The following NAALADL2 variants were observed in gnomAD, a reference collection of about 807,000 sequenced individuals.
NAALADL2 encodes the protein inactive N-acetylated-alpha-linked acidic dipeptidase-like protein 2.
In NAALADL2, 76 loss-of-function variants were observed where a neutral mutation model predicts 87.2. That is an observed-to-expected ratio of 0.87 (90% CI 0.72 to 1.05). NAALADL2 has a LOEUF of 1.05. NAALADL2 is among the 50% of genes least tolerant of loss of function. The pLI is 0.00. For synonymous variants in NAALADL2, 354 were observed against 331.0 expected (o/e 1.07, Z -0.75); for missense variants, 1,089 against 945.8 (o/e 1.15, Z -1.99).
chr3:174,893,315 C>CT (rs1051951268), intron 1 of NAALADL2, among the ~76,000 whole-genome samples: 5 of 142,862 alleles, frequency 3.5e-5, no homozygotes, highest in Non-Finnish European at 6.1e-5. Context: ...CTTCAACCCC[C>CT]CCCCGCAAAA....
chr3:175,629,497 G>T (rs2149722324), intron 11 of NAALADL2, among the ~76,000 whole-genome samples: 1 of 151,506 alleles, frequency 6.6e-6, no homozygotes, highest in African/African-American at 2.4e-5. Context: ...TTAGGGCAAT[G>T]AAATAGTAAT....
chr3:175,442,245 A>C (rs1719902745), intron 5 of NAALADL2, among the ~76,000 whole-genome samples: 1 of 152,002 alleles, frequency 6.6e-6, no homozygotes, highest in South Asian at 2.1e-4. Flanking sequence ...ACGCCTGGCC[A>C]ACACTGACTT....
At chr3:175,011,770 T>G (rs942991657) in intron 1 of NAALADL2, among the ~76,000 whole-genome samples, 2 of 152,196 alleles carry the variant, frequency 1.3e-5, no homozygotes, top group African/African-American at 4.8e-5. Context: ...TCAAGCCATT[T>G]TGAGTGTATT....
Position 175,737,462 on chromosome 3 carries a change from A to G in NAALADL2, c.1990+63A>G, listed in dbSNP as rs141749436. The G allele has an allele frequency of 2.7e-4, 268 of 982,148 alleles. 2 individuals are homozygous for G. The East Asian group carries it at 6.4e-3, about 23-fold the overall frequency. The allele number at this position is 982,148 out of a possible 1,614,324, so 60.8% of individuals were successfully genotyped here. A position where few individuals can be genotyped will look rare whatever the true frequency, so the allele number is the denominator to read the frequency against. ...AAAATTGTTCAACTAATTTTCAACAAGGAATGGATGAAGTCATCAATGATC... is the reference window on the plus strand; with the variant it reads ...AAAATTGTTCAACTAATTTTCAACAGGGAATGGATGAAGTCATCAATGATC... On this transcript the variant is annotated intron_variant, in intron 12 of 13. Coordinates refer to ENST00000454872, the MANE Select transcript of NAALADL2 (RefSeq NM_207015.3).
chr3:175,199,186 CTT>C (rs1739442271), intron 2 of NAALADL2, among the ~76,000 whole-genome samples: 1 of 152,104 alleles, frequency 6.6e-6, no homozygotes, highest in Non-Finnish European at 1.5e-5. Flanking sequence ...TCCAAGGCCT[CTT>C]TTGAATGACA....
rs143033763 is a variant in NAALADL2, at chr3:174,594,419, C to T, written c.-115+43782C>T. Among the ~76,000 whole-genome samples the T allele has an allele frequency of 6.4e-3, 980 of 152,228 alleles. 4 individuals carry two copies. The highest frequency in any genetic ancestry group is 9.5e-3 in the South Asian group (46 of 4,824). ...TTGGGAAGATTTGCAAGGCCTGATACCTCTAATCAAAGAATAATGCTTAGA... is the reference window on the plus strand; with the variant it reads ...TTGGGAAGATTTGCAAGGCCTGATATCTCTAATCAAAGAATAATGCTTAGA... On this transcript the variant is annotated intron_variant, in intron 2 of 3. Coordinates refer to the NAALADL2 transcript ENST00000434257.
intron 1 of NAALADL2, among the ~76,000 whole-genome samples, chr3:174,443,444 C>A (rs1465387126): frequency 1.3e-5 from 2 of 152,080 alleles, no homozygotes; most frequent in Non-Finnish European, 2.9e-5. Flanking sequence ...TTTCTGTTAA[C>A]TGAGATTGGA....
intron 2 of NAALADL2, among the ~76,000 whole-genome samples, chr3:174,712,751 C>T (rs1225386960): frequency 2.6e-5 from 4 of 152,120 alleles, no homozygotes; most frequent in African/African-American, 9.6e-5. Context: ...GATTTTAGAA[C>T]AATGACACTT....
intron 9 of NAALADL2, among the ~76,000 whole-genome samples, chr3:175,490,768 G>C (rs1339927742): frequency 2.6e-5 from 4 of 151,958 alleles, no homozygotes; most frequent in Non-Finnish European, 5.9e-5. Context: ...ATGTGGGAGT[G>C]GATGAATTGG....
rs1447185307 is a variant in NAALADL2, at chr3:175,807,477, C to G, written c.*4274C>G. 6 of 151,838 alleles carry G rather than the reference C, an allele frequency of 4.0e-5. No individual in the cohort carries two copies. The highest frequency in any genetic ancestry group is 5.9e-5 in the Non-Finnish European group (4 of 67,874). 9.4% of individuals were successfully genotyped at this position (151,838 alleles called of 1,614,324 possible). The stretch of plus-strand genomic sequence containing the variant: ...ATTCTGTGATATGTGTAATTGATTA[C>G]TCCAAAAATTAAGCTTTCTCTGAGG... On this transcript the variant is annotated 3_prime_UTR_variant, in exon 14 of 14. Coordinates refer to ENST00000454872, the MANE Select transcript of NAALADL2 (RefSeq NM_207015.3).
chr3:174,462,441 A>G (rs1306661990), intron 1 of NAALADL2, among the ~76,000 whole-genome samples: 2 of 152,152 alleles, frequency 1.3e-5, no homozygotes, highest in African/African-American at 2.4e-5. Flanking sequence ...TAGTAGAGCA[A>G]TTCTCAAAAT....
chr3:175,675,589 C>T (rs755429355), intron 11 of NAALADL2: 9 of 152,062 alleles, frequency 5.9e-5, no homozygotes, highest in Admixed American at 2.0e-4. Context: ...TGAATATAAC[C>T]CATTGAGGAG....
chr3:175,375,067 C>G (rs1319551453), intron 5 of NAALADL2, among the ~76,000 whole-genome samples: 1 of 152,050 alleles, frequency 6.6e-6, no homozygotes, highest in African/African-American at 2.4e-5. Context: ...TACCTTGGCA[C>G]TATTGTTGAA....
Position 175,541,181 on chromosome 3 carries a change from C to T in NAALADL2, c.1654-34860C>T, listed in dbSNP as rs535969039. On this transcript the variant is annotated intron_variant, in intron 9 of 13. Transcript: ENST00000454872. ...TCCCTTCACTCTTAATCCCTTCACTCTCAATCAGTCAACTTGTGAAAACAA... is the reference window on the plus strand; with the variant it reads ...TCCCTTCACTCTTAATCCCTTCACTTTCAATCAGTCAACTTGTGAAAACAA... 4.6e-5 allele frequency among the ~76,000 whole-genome samples: 7 copies of T among 152,300 alleles called. No homozygotes were observed. The South Asian group carries it at 1.4e-3, about 32-fold the overall frequency.
intron 1 of NAALADL2, among the ~76,000 whole-genome samples, chr3:174,497,857 T>C (rs1027326351): frequency 1.3e-5 from 2 of 152,180 alleles, no homozygotes; most frequent in African/African-American, 4.8e-5. Context: ...ACTAGAGTTG[T>C]TAATGTAAAA....
At chr3:174,461,985 A>T (rs950653002) in intron 1 of NAALADL2, among the ~76,000 whole-genome samples, 4 of 152,048 alleles carry the variant, frequency 2.6e-5, no homozygotes, top group African/African-American at 9.7e-5. Context: ...GTGTGTTCTT[A>T]TGGTTGTATT....
At chr3:175,260,154 C>A (rs895138928) in intron 4 of NAALADL2, among the ~76,000 whole-genome samples, 3 of 152,078 alleles carry the variant, frequency 2.0e-5, no homozygotes, top group African/African-American at 7.2e-5. Context: ...AACCCTTTGA[C>A]TATATTTACA....
chr3:175,167,065 A>T (rs1343879697), intron 2 of NAALADL2, among the ~76,000 whole-genome samples: 1 of 151,952 alleles, frequency 6.6e-6, no homozygotes, highest in East Asian at 1.9e-4. Context: ...TTCCCATAGG[A>T]TCTTCCTGTC....
chr3:175,148,659 A>G (rs1156475520), intron 2 of NAALADL2, among the ~76,000 whole-genome samples: 1 of 152,164 alleles, frequency 6.6e-6, no homozygotes, highest in Non-Finnish European at 1.5e-5. Flanking sequence ...TCTTCTGCAT[A>G]TGGCTAGACA....
Sources: gnomAD v4.1 joint callset for allele counts (sites outside exome capture counted in the v4.1 genomes callset) on GRCh38, gnomAD v4.1.1 for gene constraint, MANE v1.5 for transcripts, NCBI Gene and HGNC (gene_info 2026-07-23, HGNC 2026-07-21) for gene names.